Variants in OR9Q1 observed in about 807,000 individuals in gnomAD.
OR9Q1 encodes the protein olfactory receptor family 9 subfamily Q member 1.
For synonymous variants in OR9Q1, 153 were observed against 148.6 expected (o/e 1.03, Z -0.22); for missense variants, 374 against 378.8 (o/e 0.99, Z 0.11).
chr11:58,083,653 G>T (rs1853609526), intron 2 of OR9Q1, among the ~76,000 whole-genome samples: 1 of 148,996 alleles, frequency 6.7e-6, no homozygotes, highest in South Asian at 2.1e-4. Context: ...AAAGGTAAGG[G>T]TCCAGTTTCA....
At chr11:58,160,664 G>A (rs972157083) in intron 2 of OR9Q1, among the ~76,000 whole-genome samples, 3 of 152,136 alleles carry the variant, frequency 2.0e-5, no homozygotes, top group Non-Finnish European at 4.4e-5. Flanking sequence ...TAGAGATGGG[G>A]TCTTGCTACA....
chr11:58,048,688 A>G (rs1190971394), intron 1 of OR9Q1, among the ~76,000 whole-genome samples: 2 of 146,010 alleles, frequency 1.4e-5, no homozygotes, highest in Non-Finnish European at 3.0e-5. Flanking sequence ...AAATATATAT[A>G]TATATATTTT....
intron 2 of OR9Q1, among the ~76,000 whole-genome samples, chr11:58,069,644 C>T (rs1261330603): frequency 6.6e-6 from 1 of 152,118 alleles, no homozygotes; most frequent in African/African-American, 2.4e-5. Context: ...GAGGCTGAAG[C>T]ACGAGAATTG....
intron 2 of OR9Q1, among the ~76,000 whole-genome samples, chr11:58,060,581 T>C (rs1164199479): frequency 6.6e-6 from 1 of 152,132 alleles, no homozygotes; most frequent in Non-Finnish European, 1.5e-5. Flanking sequence ...TGTATTAAGT[T>C]TTCTTTAACC....
intron 2 of OR9Q1, among the ~76,000 whole-genome samples, chr11:58,111,892 G>C (rs1249113986): frequency 6.8e-6 from 1 of 146,904 alleles, no homozygotes; most frequent in Non-Finnish European, 1.5e-5. Flanking sequence ...TTTGGGGGGG[G>C]TGGGCATGGA....
At chr11:58,166,717 C>T (rs1854508548) in intron 2 of OR9Q1, among the ~76,000 whole-genome samples, 1 of 152,168 alleles carries the variant, frequency 6.6e-6, no homozygotes, top group South Asian at 2.1e-4. Flanking sequence ...TAGTTTGGTT[C>T]ACTGTGGACT....
In OR9Q1 at chr11:58,156,967, A is replaced by G. The variant is rs1319778305; in HGVS notation, c.-14-22464A>G. 2.0e-5 allele frequency among the ~76,000 whole-genome samples: 3 copies of G among 152,344 alleles called. No homozygotes were observed. In the East Asian group the frequency reaches 5.8e-4, roughly 29 times the overall value. ...TTTGAACTTTTTTATAAGATAATAA[A>G]GCATTTTTCTTAATAACCTGTGAGT... On this transcript the variant is annotated intron_variant, in intron 2 of 2. Transcript: ENST00000335397.
intron 2 of OR9Q1, among the ~76,000 whole-genome samples, chr11:58,088,246 AG>A (rs1853652216): frequency 6.6e-6 from 1 of 151,976 alleles, no homozygotes. Context: ...GTTGGCTCCA[AG>A]TCTTTCCTAT....
intron 2 of OR9Q1, among the ~76,000 whole-genome samples, chr11:58,163,544 C>T (rs1175912305): frequency 6.6e-6 from 1 of 152,230 alleles, no homozygotes; most frequent in Non-Finnish European, 1.5e-5. Context: ...TGGTAAAGGT[C>T]ATGCCAACTT....
At chr11:58,178,740 C>T (rs1448057798) in intron 2 of OR9Q1, among the ~76,000 whole-genome samples, 3 of 151,564 alleles carry the variant, frequency 2.0e-5, no homozygotes, top group African/African-American at 7.3e-5. Context: ...GAATGTGCAC[C>T]CCTGTTCTGA....
At chr11:58,114,356 G>C (rs550817615) in intron 2 of OR9Q1, among the ~76,000 whole-genome samples, 1 of 152,280 alleles carries the variant, frequency 6.6e-6, no homozygotes, top group East Asian at 1.9e-4. Flanking sequence ...ATAAATGAAA[G>C]AGAGACTCTC....
At chr11:58,026,859 G>A (rs1481335378) in intron 1 of OR9Q1, 3 of 152,038 alleles carry the variant, frequency 2.0e-5, no homozygotes, top group Non-Finnish European at 4.4e-5. Flanking sequence ...ATACACTAGA[G>A]AAAGAAGTAA....
At chr11:58,095,701 A>G (rs916465719) in intron 2 of OR9Q1, among the ~76,000 whole-genome samples, 1 of 152,176 alleles carries the variant, frequency 6.6e-6, no homozygotes, top group Admixed American at 6.5e-5. Flanking sequence ...CCATGATTCA[A>G]TGATCTCCAC....
chr11:58,109,028 T>C (rs1248534421), intron 2 of OR9Q1: 1 of 452,716 alleles, frequency 2.2e-6, no homozygotes, highest in Admixed American at 2.4e-5. Flanking sequence ...AGGATAACCA[T>C]GACATTGGCT....
At chr11:58,029,621 GT>G (rs200089785) in intron 1 of OR9Q1, among the ~76,000 whole-genome samples, 3 of 152,090 alleles carry the variant, frequency 2.0e-5, no homozygotes, top group Non-Finnish European at 4.4e-5. Flanking sequence ...TGTATTATCT[GT>G]TTTTTAAAAA....
chr11:58,165,437 C>G (rs565330802), intron 2 of OR9Q1, among the ~76,000 whole-genome samples: 13 of 152,344 alleles, frequency 8.5e-5, no homozygotes, highest in African/African-American at 3.1e-4. Context: ...ATTCAGAGCC[C>G]TCTAATAAAT....
intron 1 of OR9Q1, chr11:58,040,983 A>T (rs2119939430): frequency 6.6e-6 from 1 of 152,420 alleles, no homozygotes; most frequent in Middle Eastern, 3.4e-3. Context: ...ACACAGGAGC[A>T]GACAACATGC....
intron 2 of OR9Q1, among the ~76,000 whole-genome samples, chr11:58,179,061 G>T (rs1363794887): frequency 2.2e-5 from 3 of 136,268 alleles, no homozygotes; most frequent in Admixed American, 7.6e-5. Flanking sequence ...TGTTGCCCAG[G>T]CTGGAGTGCA....
chr11:58,161,830 C>T (rs1437769428), intron 2 of OR9Q1, among the ~76,000 whole-genome samples: 5 of 152,220 alleles, frequency 3.3e-5, no homozygotes, highest in Admixed American at 1.3e-4. Context: ...CCGCACCCGG[C>T]CCTCTGGTTG....
Sources: allele counts gnomAD v4.1 joint callset (sites outside exome capture counted in the v4.1 genomes callset), GRCh38; gene constraint gnomAD v4.1.1; transcripts MANE v1.5; gene names NCBI Gene and HGNC (gene_info 2026-07-23, HGNC 2026-07-21).